Variants in PEX5L observed in about 807,000 individuals in gnomAD.
PEX5L encodes the protein PEX5-related protein.
A neutral mutation model predicts 84.0 loss-of-function variants in PEX5L; 30 were observed. That is an observed-to-expected ratio of 0.36 (90% CI 0.27 to 0.48). PEX5L has a LOEUF of 0.48. Ranked by LOEUF, PEX5L falls within the 20% of genes least tolerant of loss-of-function variation. The pLI is 0.99. For missense variants in PEX5L, 533 were observed against 754.6 expected, an observed-to-expected ratio of 0.71 and a Z score of 3.44; for synonymous variants, 270 against 283.1, an observed-to-expected ratio of 0.95 and a Z score of 0.46.
chr3:179,828,165 T>G (rs1165314125), intron 8 of PEX5L, among the ~76,000 whole-genome samples: 3 of 152,254 alleles, frequency 2.0e-5, no homozygotes, highest in Non-Finnish European at 2.9e-5. Flanking sequence ...CCCACCCTTC[T>G]TTGGCTGGAT....
At position 179,934,434 on chromosome 3, in the gene PEX5L, T is replaced by A. The variant is rs1232674708; in HGVS notation, c.94-36188A>T. Among the ~76,000 whole-genome samples, 6 of 152,224 alleles carry A rather than the reference T, an allele frequency of 3.9e-5. No individual in the cohort carries two copies. In the East Asian group the frequency reaches 1.2e-3, roughly 29 times the overall value. The stretch of plus-strand genomic sequence containing the variant: ...ATGTACCATGCACTAAGAACCTTCA[T>A]GAACATTGTCTCAATTAATCCTTAG... On this transcript the variant is annotated intron_variant, in intron 2 of 14. Transcript: ENST00000467460.
Position 179,875,556 on chromosome 3 carries a change from G to C in PEX5L, c.506-79C>G, listed in dbSNP as rs567392723. 105 of 955,164 alleles carry C rather than the reference G, an allele frequency of 1.1e-4. 1 individual carries two copies. In the South Asian group the frequency reaches 1.3e-3, roughly 12 times the overall value. 59.2% of individuals were successfully genotyped at this position (955,164 alleles called of 1,614,324 possible). On this transcript the variant is annotated intron_variant, in intron 5 of 14. Transcript: ENST00000467460. Reference sequence around the variant, plus strand: ...GGAGCGGTGGCGGGGAGTGGGGTGAGGGTGGAGCGTGTGGTGCAGAGGGAA... The same window carrying C: ...GGAGCGGTGGCGGGGAGTGGGGTGACGGTGGAGCGTGTGGTGCAGAGGGAA...
intron 8 of PEX5L, among the ~76,000 whole-genome samples, chr3:179,840,691 A>C (rs1455870975): frequency 5.3e-5 from 8 of 152,112 alleles, no homozygotes; most frequent in African/African-American, 1.9e-4. Context: ...AGGTGGTTTG[A>C]TTCCATTAGT....
intron 8 of PEX5L, among the ~76,000 whole-genome samples, chr3:179,852,710 T>C (rs1348359413): frequency 6.6e-6 from 1 of 152,218 alleles, no homozygotes; most frequent in East Asian, 1.9e-4. Context: ...CCATACATCC[T>C]CATTTTTTCT....
intron 1 of PEX5L, among the ~76,000 whole-genome samples, chr3:180,001,274 G>A (rs1049159238): frequency 2.0e-5 from 3 of 150,738 alleles, no homozygotes; most frequent in Non-Finnish European, 4.4e-5. Flanking sequence ...CCAATTGTGG[G>A]ACCTTATGAT....
chr3:179,937,089 A>G (rs1056200337), intron 2 of PEX5L, among the ~76,000 whole-genome samples: 1 of 152,216 alleles, frequency 6.6e-6, no homozygotes, highest in Non-Finnish European at 1.5e-5. Flanking sequence ...ATATACATAT[A>G]CAAGGTGCTA....
chr3:180,026,135 T>TC (rs1227334078), intron 1 of PEX5L, among the ~76,000 whole-genome samples: 2 of 101,274 alleles, frequency 2.0e-5, no homozygotes, highest in Non-Finnish European at 3.9e-5. Flanking sequence ...TCAGCATTCT[T>TC]TTTTTTTTTT....
intron 11 of PEX5L, among the ~76,000 whole-genome samples, chr3:179,810,363 G>A (rs991804589): frequency 2.0e-5 from 3 of 152,042 alleles, no homozygotes; most frequent in African/African-American, 7.3e-5. Flanking sequence ...CTTGAATGTA[G>A]ACATCTAGAT....
intron 2 of PEX5L, among the ~76,000 whole-genome samples, chr3:179,942,230 C>T (rs1172177256): frequency 1.3e-5 from 2 of 152,204 alleles, no homozygotes; most frequent in Non-Finnish European, 2.9e-5. Flanking sequence ...TCTGCATCTT[C>T]TCCCAAGAAG....
intron 2 of PEX5L, among the ~76,000 whole-genome samples, chr3:179,949,116 G>A (rs912816693): frequency 6.6e-6 from 1 of 151,980 alleles, no homozygotes; most frequent in Non-Finnish European, 1.5e-5. Flanking sequence ...AACTGTACAG[G>A]TCTTTCTCAT....
rs1054614925 is a variant in PEX5L, at chr3:179,971,610, A to G, written c.77T>C (p.Ile26Thr). Residue 26 changes from isoleucine (I) to threonine (T), a missense_variant, in exon 2 of 15, where the codon ATT becomes ACT. Ile to Thr is a moderately conservative substitution (Grantham distance 89). Around this residue, in one of 8 missense-constraint regions of PEX5L, gnomAD observed 259 missense variants for 301.7 expected, o/e 0.86. Transcript: ENST00000467460. The stretch of plus-strand genomic sequence containing the variant: ...TTCACTTACCTGCTTTTGATCAACA[A>G]TTATTTCGAGGTCTTCATCACTGCT... The part of the protein sequence containing the change: ...KLSSDEDLEI[I>T]VDQKQGKGSR... 1.9e-6 allele frequency: 3 copies of G among 1,608,066 alleles called. No individual in the cohort carries two copies. The highest frequency in any genetic ancestry group is 1.7e-6 in the Non-Finnish European group (2 of 1,177,378).
At chr3:180,023,629 G>C (rs76775075) in intron 1 of PEX5L, among the ~76,000 whole-genome samples, 4,008 of 152,228 alleles carry the variant, frequency 0.026, 187 homozygotes, top group African/African-American at 0.092. Context: ...AGAGCTGGAA[G>C]GAAAGCCAGT....
intron 8 of PEX5L, among the ~76,000 whole-genome samples, chr3:179,843,870 G>A (rs1738217371): frequency 6.6e-6 from 1 of 152,172 alleles, no homozygotes; most frequent in Non-Finnish European, 1.5e-5. Context: ...ACAGCATGAG[G>A]TCCCATCTTT....
At chr3:180,017,029 A>G (rs1219605706) in intron 1 of PEX5L, among the ~76,000 whole-genome samples, 1 of 152,204 alleles carries the variant, frequency 6.6e-6, no homozygotes, top group African/African-American at 2.4e-5. Context: ...TTATATTTTC[A>G]TGATGAAATT....
chr3:179,882,804 C>T (rs992717558), intron 4 of PEX5L, among the ~76,000 whole-genome samples: 3 of 152,140 alleles, frequency 2.0e-5, no homozygotes, highest in African/African-American at 4.8e-5. Context: ...GAGCACCAAC[C>T]GGTGAGGTGT....
intron 2 of PEX5L, among the ~76,000 whole-genome samples, chr3:179,946,645 T>TCA (rs1252688142): frequency 2.6e-5 from 4 of 152,144 alleles, no homozygotes; most frequent in African/African-American, 9.7e-5. Context: ...AAGCAGAAGC[T>TCA]CTAGTGAGGT....
At chr3:180,007,141 G>A (rs760695074) in intron 1 of PEX5L, among the ~76,000 whole-genome samples, 1 of 152,114 alleles carries the variant, frequency 6.6e-6, no homozygotes, top group Non-Finnish European at 1.5e-5. Flanking sequence ...GATACAATGG[G>A]GGTACAGGTA....
intron 7 of PEX5L, among the ~76,000 whole-genome samples, chr3:179,871,216 C>A (rs1750262077): frequency 1.3e-5 from 2 of 150,974 alleles, no homozygotes; most frequent in Admixed American, 6.6e-5. Flanking sequence ...AATTTTCATG[C>A]CTCAGCCTCC....
At chr3:179,905,642 A>C (rs1028560503) in intron 2 of PEX5L, among the ~76,000 whole-genome samples, 54 of 149,696 alleles carry the variant, frequency 3.6e-4, no homozygotes, top group African/African-American at 1.3e-3. Flanking sequence ...GGCTCCAAAG[A>C]AGTTCTTGCC....
Sources: allele counts gnomAD v4.1 joint callset (sites outside exome capture counted in the v4.1 genomes callset), GRCh38; gene constraint gnomAD v4.1.1; regional missense constraint gnomAD v4.1.1; transcripts MANE v1.5; gene names NCBI Gene and HGNC (gene_info 2026-07-23, HGNC 2026-07-21).